GMPPB: variants seen among roughly 807,000 people sequenced by gnomAD.
The protein encoded by GMPPB is GDP-mannose pyrophosphorylase B, also known as mannose-1-phosphate guanylyltransferase catalytic subunit beta.
A neutral mutation model predicts 40.3 loss-of-function variants in GMPPB; 38 were observed. The observed-to-expected ratio is 0.94, with a 90% confidence interval of 0.73 to 1.24. The LOEUF (loss-of-function observed/expected upper bound fraction) is 1.24, where lower values mean the gene tolerates loss of function less well. Ranked by LOEUF, GMPPB falls within the 50% of genes most tolerant of loss-of-function variation. The pLI is 0.00. For missense variants in GMPPB, 436 were observed against 487.1 expected (o/e 0.90, Z 0.99); for synonymous variants, 193 against 191.8 (o/e 1.01, Z -0.05).
rs1324590706 is a variant in GMPPB at position 49,721,655 on chromosome 3, G to A, written c.*97C>T. 7.5e-6 allele frequency: 9 copies of A among 1,206,806 alleles called. No homozygotes were observed. Among genetic ancestry groups the A allele is most frequent in the Non-Finnish European group, 1.1e-5 (9 of 848,428 alleles). The allele number at this position is 1,206,806 out of a possible 1,614,324, so 74.8% of individuals were successfully genotyped here. ...CTTCAGCTTCACCCAGTGCCCCCCA[G>A]ACAAATAATGACAAGTCCAGGGTCT... On this transcript the variant is annotated 3_prime_UTR_variant, in exon 9 of 9. Coordinates refer to ENST00000308388, the MANE Select transcript of GMPPB (RefSeq NM_021971.4).
Position 49,722,368 on chromosome 3 carries a change from G to C in GMPPB, c.641-10C>G, listed in dbSNP as rs1438419966. On this transcript the variant is annotated splice_polypyrimidine_tract_variant and intron_variant, in intron 6 of 8. Transcript: ENST00000308388. Reference sequence around the variant, plus strand: ...ATGTCCATCCAGAAGCCTGTAGGGAGGGATGCATCAGGGGCCTCAGCCCAG... The same window carrying C: ...ATGTCCATCCAGAAGCCTGTAGGGACGGATGCATCAGGGGCCTCAGCCCAG... 1.9e-6 allele frequency: 3 copies of C among 1,613,680 alleles called. No homozygotes were observed. In the Admixed American group the frequency reaches 5.0e-5, roughly 27 times the overall value.
Position 49,722,982 on chromosome 3 carries a change from C to T in GMPPB, c.392G>A (p.Gly131Asp), listed in dbSNP as rs1432142017. 6.2e-7 allele frequency: 1 copy of T among 1,613,674 alleles called. No individual in the cohort carries two copies. The highest frequency in any genetic ancestry group is 1.1e-5 in the South Asian group (1 of 91,028). ...GACCTGGCGCCTTACCAGGATGGAG[C>T]CCTCCTGGCCATGGTGCCGGTGGAA... is the stretch of plus-strand genomic sequence containing the variant. ...VQFHRHHGQE[G>D]SILVTKVEEP... The change falls in exon 4 of 9, where the codon GGC (glycine) becomes GAC (aspartate). Residue 131 changes from glycine to aspartate, a missense_variant. Gly to Asp is a moderately conservative substitution (Grantham distance 94, BLOSUM62 -1). Transcript: ENST00000308388.
chr3:49,720,796 C>T lies in GMPPB; in HGVS notation c.*956G>A. 1 of 1,614,154 alleles carries T rather than the reference C, an allele frequency of 6.2e-7. No homozygotes were observed. The highest frequency in any genetic ancestry group is 8.5e-7 in the Non-Finnish European group (1 of 1,180,010). On this transcript the variant is annotated 3_prime_UTR_variant, in exon 9 of 9. Transcript: ENST00000308388. ...CTGACTTGACACTACCTACCACTCC[C>T]CAGATGCGGATTATATCAGTGCCGA...
In GMPPB at chr3:49,721,867, A is replaced by AC. The variant is rs773215409; in HGVS notation, c.967dup (p.Val323GlyfsTer6). 6.2e-7 allele frequency: 1 copy of AC among 1,614,020 alleles called. No homozygotes were observed. The highest frequency in any genetic ancestry group is 8.5e-7 in the Non-Finnish European group (1 of 1,180,006). ...TATGACGTCCTCACCCAGCACTGTC[A>AC]CGTTCTCCATGCGTACCTCCAGGAG... On this transcript the variant is annotated frameshift_variant, in exon 9 of 9. Transcript: ENST00000308388. LOFTEE classifies it high-confidence loss of function.
Position 49,720,402 on chromosome 3 carries a change from A to AGG in GMPPB, c.*1348_*1349dup, listed in dbSNP as rs1017623961. 2.7e-6 allele frequency: 3 copies of AGG among 1,125,430 alleles called. No homozygotes were observed. The highest frequency in any genetic ancestry group is 1.6e-5 in the African/African-American group (1 of 64,082). The allele number at this position is 1,125,430 out of a possible 1,614,324, so 69.7% of individuals were successfully genotyped here. On this transcript the variant is annotated 3_prime_UTR_variant, in exon 9 of 9. Transcript: ENST00000308388. ...GGAAGCAGGGAGACGGAAAGGATGC[A>AGG]GGGGGGGTGATCATGTACGAGCCAT... is the stretch of plus-strand genomic sequence containing the variant.
chr3:49,721,281 G>A lies in GMPPB; in HGVS notation c.*471C>T, dbSNP rs531884204. On this transcript the variant is annotated 3_prime_UTR_variant, in exon 9 of 9. Coordinates refer to ENST00000308388, the MANE Select transcript of GMPPB (RefSeq NM_021971.4). ...AGGACTGGGAGAAGGGAGCCAATAC[G>A]AGTACTACCTCCTCAGCTGCCTAGC... The A allele has an allele frequency of 1.7e-5, 27 of 1,614,162 alleles. No homozygotes were observed. The highest frequency in any genetic ancestry group is 5.5e-5 in the South Asian group (5 of 91,082).
chr3:49,720,722 A>AAAGTC lies in GMPPB; in HGVS notation c.*1025_*1029dup, dbSNP rs531462100. 2.6e-3 allele frequency: 4,198 copies of AAAGTC among 1,606,118 alleles called. 10 individuals carry two copies. Among genetic ancestry groups the AAAGTC allele is most frequent in the Middle Eastern group, 3.6e-3 (22 of 6,034 alleles). On this transcript the variant is annotated 3_prime_UTR_variant, in exon 9 of 9. Transcript: ENST00000308388. The stretch of plus-strand genomic sequence containing the variant: ...TCGGGTCAGGAGCCTTAAGAACAGC[A>AAAGTC]AAGTCCTAGGCTGGGAATATTCAAG...
At position 49,722,619 on chromosome 3, in the gene GMPPB, G is replaced by T; in HGVS notation, c.538C>A (p.Pro180Thr). The T allele has an allele frequency of 6.2e-7, 1 of 1,614,102 alleles. No individual in the cohort carries two copies. Among genetic ancestry groups the T allele is most frequent in the South Asian group, 1.1e-5 (1 of 91,084 alleles). ...ACCTGGATGCGCTGCAGCACTGCAG[G>T]GCTCAGGATGTACATGCCTGCGTTG... ...KINAGMYILS[P>T]AVLQRIQLQP... Residue 180 changes from proline (P) to threonine (T), a missense_variant, in exon 5 of 9, where the codon CCT becomes ACT. Pro to Thr is a conservative substitution (Grantham distance 38). Coordinates refer to ENST00000308388, the MANE Select transcript of GMPPB (RefSeq NM_021971.4).
In GMPPB at chr3:49,723,472, C is replaced by A. The variant is rs377262833; in HGVS notation, c.130G>T (p.Ala44Ser). ...GCCAGGATCACGTGGTCCACGCCTG[C>A]CTGTCAGAACGCAGGCCGACGGGCG... ...LLHQVEALAA[A>S]GVDHVILAVS... is the part of the protein sequence containing the mutation. Residue 44 changes from alanine (A) to serine (S), a missense_variant and splice_region_variant, in exon 2 of 9, where the codon GCA becomes TCA. Coordinates refer to ENST00000308388, the MANE Select transcript of GMPPB (RefSeq NM_021971.4). 2 of 1,613,568 alleles carry A rather than the reference C, an allele frequency of 1.2e-6. No homozygotes were observed. The highest frequency in any genetic ancestry group is 1.3e-5 in the African/African-American group (1 of 74,944).
intron 4 of GMPPB, 47 bp from the exon 5 acceptor site, chr3:49,722,801 C>T (rs757186552): frequency 3.8e-6 from 6 of 1,578,848 alleles, no homozygotes; most frequent in Non-Finnish European, 5.2e-6. Context: ...TGTTCCTAAG[C>T]CTTGATACAC....
rs748809549 is a variant in GMPPB at position 49,722,038 on chromosome 3, C to A, written c.878G>T (p.Arg293Leu). The change falls in exon 8 of 9, where the codon CGG becomes CTG. Residue 293 changes from arginine (R) to leucine (L), a missense_variant. Transcript: ENST00000308388. Reference sequence around the variant, plus strand: ...GGAATGGGAACGGATCCGGGCATCCCGCAGCACCGTGCACCGCCGGATACA... The same window carrying A: ...GGAATGGGAACGGATCCGGGCATCCAGCAGCACCGTGCACCGCCGGATACA... Reference protein sequence around the residue: ...GVCIRRCTVLRDARIRSHSWL... With the variant: ...GVCIRRCTVLLDARIRSHSWL... 3 of 1,613,588 alleles carry A rather than the reference C, an allele frequency of 1.9e-6. No individual in the cohort carries two copies. The highest frequency in any genetic ancestry group is 2.5e-6 in the Non-Finnish European group (3 of 1,180,034).
chr3:49,722,484 C>A lies in GMPPB; in HGVS notation c.588G>T (p.Glu196Asp), dbSNP rs1559696999. Residue 196 changes from glutamate (E) to aspartate (D), a missense_variant, in exon 6 of 9, where the codon GAG (glutamate) becomes GAT (aspartate). Transcript: ENST00000308388. ...CCTCCTTGGCCATAATGGGGAAGAC[C>A]TCCTTCTCAATGGACGTAGGCTGCA... Reference protein sequence around the residue: ...IQLQPTSIEKEVFPIMAKEGQ... With the variant: ...IQLQPTSIEKDVFPIMAKEGQ... 1 of 1,614,200 alleles carries A rather than the reference C, an allele frequency of 6.2e-7. No homozygotes were observed. The highest frequency in any genetic ancestry group is 1.7e-5 in the Admixed American group (1 of 60,032).
At position 49,722,415 on chromosome 3, in the gene GMPPB, T is replaced by G. The variant is rs570239663; in HGVS notation, c.640+17A>C. 1 of 1,614,048 alleles carries G rather than the reference T, an allele frequency of 6.2e-7. No individual in the cohort carries two copies. The highest frequency in any genetic ancestry group is 2.2e-5 in the East Asian group (1 of 44,882). ...CCAGCCACAGACCACCCCCACCCTG[T>G]GGCCTCCCTGCCTCACCCTGTAACT... On this transcript the variant is annotated intron_variant, in intron 6 of 8. Coordinates refer to ENST00000308388, the MANE Select transcript of GMPPB (RefSeq NM_021971.4).
chr3:49,722,024 G>A lies in GMPPB; in HGVS notation c.892C>T (p.Arg298Cys), dbSNP rs754911891. The A allele has an allele frequency of 1.4e-5, 23 of 1,595,648 alleles. No individual in the cohort carries two copies. Among genetic ancestry groups the A allele is most frequent in the Admixed American group, 1.0e-4 (6 of 59,292 alleles). Residue 298 changes from arginine (R) to cysteine (C), a missense_variant, in exon 8 of 9, where the codon CGT (arginine) becomes TGT (cysteine). Coordinates refer to ENST00000308388, the MANE Select transcript of GMPPB (RefSeq NM_021971.4). ...CAGGACTCAAGCCAGGAATGGGAAC[G>A]GATCCGGGCATCCCGCAGCACCGTG... ...RCTVLRDARI[R>C]SHSWLESCIV...
At position 49,723,482 on chromosome 3, in the gene GMPPB, C is replaced by T; in HGVS notation, c.130-10G>A. On this transcript the variant is annotated splice_polypyrimidine_tract_variant and intron_variant, in intron 1 of 8. Transcript: ENST00000308388. ...CGTGGTCCACGCCTGCCTGTCAGAA[C>T]GCAGGCCGACGGGCGGGCTCAGTCA... 6.2e-7 allele frequency: 1 copy of T among 1,613,432 alleles called. No individual in the cohort carries two copies. Among genetic ancestry groups the T allele is most frequent in the Non-Finnish European group, 8.5e-7 (1 of 1,180,010 alleles).
rs2291544 is a variant in GMPPB at position 49,720,961 on chromosome 3, C to G, written c.*791G>C. 6.8e-6 allele frequency: 11 copies of G among 1,606,550 alleles called. No homozygotes were observed. In the South Asian group the frequency reaches 1.2e-4, roughly 18 times the overall value. On this transcript the variant is annotated 3_prime_UTR_variant, in exon 9 of 9. Transcript: ENST00000308388. Reference sequence around the variant, plus strand: ...TGTGTGCACTCCTACACAGGCACAACGGACATCCACATAGCCAGGCATCCA... The same window carrying G: ...TGTGTGCACTCCTACACAGGCACAAGGGACATCCACATAGCCAGGCATCCA...
At position 49,722,093 on chromosome 3, in the gene GMPPB, C is replaced by T. The variant is rs977253436; in HGVS notation, c.823G>A (p.Gly275Arg). The change falls in exon 8 of 9, where the codon GGA becomes AGA. Residue 275 changes from glycine to arginine, a missense_variant. Gly to Arg is a moderately radical substitution (Grantham distance 125). Coordinates refer to ENST00000308388, the MANE Select transcript of GMPPB (RefSeq NM_021971.4). ...CCATCTTCGACCACCACGCCAGGTC[C>T]CAGGCTCACATTGGGGCCAATGCTG... ...NCSIGPNVSLGPGVVVEDGVC... is the reference protein window; with the variant it reads ...NCSIGPNVSLRPGVVVEDGVC... 2 of 1,613,606 alleles carry T rather than the reference C, an allele frequency of 1.2e-6. No individual in the cohort carries two copies. Among genetic ancestry groups the T allele is most frequent in the Admixed American group, 1.7e-5 (1 of 60,026 alleles).
chr3:49,722,566 C>T (rs569795681), intron 5 of GMPPB, 30 bp downstream of exon 5: 29 of 1,613,188 alleles, frequency 1.8e-5, no homozygotes, highest in Non-Finnish European at 2.5e-5. Context: ...CTGCCCCACC[C>T]CAGCCCACCA....
Position 49,721,817 on chromosome 3 carries a change from C to T in GMPPB, c.1018G>A (p.Gly340Arg), listed in dbSNP as rs1064796834. The change falls in exon 9 of 9, where the codon GGA (glycine) becomes AGA (arginine). Residue 340 changes from glycine (G) to arginine (R), a missense_variant. Coordinates refer to ENST00000308388, the MANE Select transcript of GMPPB (RefSeq NM_021971.4). ...VIVNDELYLN[G>R]ASVLPHKSIG... ...GACTTGTGGGGCAGCACGCTGGCTC[C>T]GTTGAGGTAGAGCTCATCATTAACT... The T allele has an allele frequency of 5.0e-6, 8 of 1,613,130 alleles. No individual in the cohort carries two copies. The highest frequency in any genetic ancestry group is 1.1e-5 in the South Asian group (1 of 91,094).
Sources: gnomAD v4.1 joint callset for allele counts on GRCh38, gnomAD v4.1.1 for gene constraint, MANE v1.5 for transcripts, NCBI Gene and HGNC (gene_info 2026-07-23, HGNC 2026-07-21) for gene names.